DNM3: variants seen among roughly 807,000 people sequenced by gnomAD.
DNM3 encodes the protein dynamin-3.
Under a neutral mutation model 101.6 loss-of-function variants are expected in DNM3, and 47 were observed. The ratio of observed to expected loss-of-function variants is 0.46; its 90% CI spans 0.37 to 0.59. The LOEUF (loss-of-function observed/expected upper bound fraction) is 0.59. DNM3 is among the 20% of genes least tolerant of loss of function. The pLI is 0.00. For missense variants in DNM3, 849 were observed against 1,085.7 expected, an observed-to-expected ratio of 0.78 and a Z score of 3.06; for synonymous variants, 385 against 387.9, an observed-to-expected ratio of 0.99 and a Z score of 0.09.
At chr1:172,247,593 AT>A (rs2062001798) in intron 14 of DNM3, among the ~76,000 whole-genome samples, 1 of 151,916 alleles carries the variant, frequency 6.6e-6, no homozygotes, top group African/African-American at 2.4e-5. Flanking sequence ...TAAAAAACAT[AT>A]TTGGTGCCAT....
rs35033942 is a variant in DNM3 at position 171,980,767 on chromosome 1, A to ATTTT, written c.236-6871_236-6868dup. Among the ~76,000 whole-genome samples, 11 of 110,244 alleles carry ATTTT rather than the reference A, an allele frequency of 1.0e-4. 1 individual carries two copies. The highest frequency in any genetic ancestry group is 3.6e-4 in the African/African-American group (11 of 30,208). 72.3% of individuals were successfully genotyped at this position (110,244 alleles called of 152,430 possible). On this transcript the variant is annotated intron_variant, in intron 2 of 20. Transcript: ENST00000627582. ...CTTTAAAGAAGAAAGAAATCTACAGATTTTTTTTTTTTTTTTTTTTTGAGA... is the reference window on the plus strand; with the variant it reads ...CTTTAAAGAAGAAAGAAATCTACAGATTTTTTTTTTTTTTTTTTTTTTTTTGAGA...
intron 14 of DNM3, among the ~76,000 whole-genome samples, chr1:172,243,483 G>C (rs1466617765): frequency 6.6e-6 from 1 of 152,162 alleles, no homozygotes; most frequent in East Asian, 1.9e-4. Context: ...GAGGAGGTAG[G>C]AACCAGGAAG....
intron 14 of DNM3, among the ~76,000 whole-genome samples, chr1:172,181,375 TACACACACACACACAC>T (rs55756017): frequency 0.24 from 35,522 of 147,706 alleles, 7,012 homozygotes; most frequent in African/African-American, 0.55. Flanking sequence ...CACTTGAGTT[TACACACACACACACAC>T]ACACACACAC....
chr1:172,406,316 T>C (rs533268048), intron 20 of DNM3, among the ~76,000 whole-genome samples: 2 of 152,146 alleles, frequency 1.3e-5, no homozygotes, highest in Admixed American at 1.3e-4. Flanking sequence ...AAACACTGTA[T>C]GAAACAAGTT....
rs1459972279 is a variant in DNM3, at chr1:172,081,812, T to A, written c.1423-20T>A. 6.3e-7 allele frequency: 1 copy of A among 1,599,824 alleles called. No homozygotes were observed. The highest frequency in any genetic ancestry group is 8.5e-7 in the Non-Finnish European group (1 of 1,170,780). On this transcript the variant is annotated intron_variant, in intron 11 of 20. Coordinates refer to ENST00000627582, the MANE Select transcript of DNM3 (RefSeq NM_015569.5). ...ATTTTTAGATGGGTTTTCACTGAAG[T>A]GTTTCTCTTTGACTTATAGGTATTG...
intron 15 of DNM3, among the ~76,000 whole-genome samples, chr1:172,258,896 C>T (rs2062529482): frequency 6.6e-6 from 1 of 150,880 alleles, no homozygotes; most frequent in African/African-American, 2.4e-5. Context: ...TGCTATAAAC[C>T]TTTATCAGCA....
At chr1:171,912,970 A>G (rs762165610) in intron 1 of DNM3, among the ~76,000 whole-genome samples, 1 of 152,242 alleles carries the variant, frequency 6.6e-6, no homozygotes, top group African/African-American at 2.4e-5. Flanking sequence ...GCCAGGACTC[A>G]TTCATCTGGT....
chr1:171,865,716 T>A (rs932341731), intron 1 of DNM3, among the ~76,000 whole-genome samples: 4 of 152,138 alleles, frequency 2.6e-5, no homozygotes, highest in African/African-American at 9.7e-5. Context: ...CTTCGAGGAT[T>A]AAGAAACATT....
At chr1:172,176,141 T>A (rs1396586076) in intron 14 of DNM3, among the ~76,000 whole-genome samples, 2 of 151,800 alleles carry the variant, frequency 1.3e-5, no homozygotes, top group Admixed American at 1.3e-4. Context: ...ATTATCTAGG[T>A]AAACCCAGTG....
intron 2 of DNM3, among the ~76,000 whole-genome samples, chr1:171,965,666 C>T (rs1218186942): frequency 6.6e-6 from 1 of 152,112 alleles, no homozygotes; most frequent in Non-Finnish European, 1.5e-5. Flanking sequence ...GCGCTTCTGT[C>T]CCCATGTAGT....
chr1:172,198,911 G>A (rs2060052574), intron 14 of DNM3, among the ~76,000 whole-genome samples: 1 of 151,880 alleles, frequency 6.6e-6, no homozygotes, highest in African/African-American at 2.4e-5. Flanking sequence ...ATTTCCTTCA[G>A]TTAAGCTTTA....
intron 1 of DNM3, among the ~76,000 whole-genome samples, chr1:171,863,423 A>G (rs2034389390): frequency 6.6e-6 from 1 of 152,154 alleles, no homozygotes; most frequent in Non-Finnish European, 1.5e-5. Context: ...GGGCAGAAAG[A>G]CAGGAAAAAA....
intron 4 of DNM3, among the ~76,000 whole-genome samples, chr1:171,992,801 GCTA>G (rs2045725751): frequency 1.3e-5 from 2 of 151,450 alleles, no homozygotes; most frequent in African/African-American, 4.8e-5. Context: ...CTATTTCTCT[GCTA>G]CTATCTCCTT....
intron 15 of DNM3, among the ~76,000 whole-genome samples, chr1:172,274,587 G>C (rs149788578): frequency 2.6e-5 from 4 of 152,018 alleles, no homozygotes; most frequent in African/African-American, 7.2e-5. Flanking sequence ...ATATTGAGCT[G>C]TTGGATTTTT....
At chr1:172,129,344 A>G (rs2056810945) in intron 13 of DNM3, among the ~76,000 whole-genome samples, 2 of 152,226 alleles carry the variant, frequency 1.3e-5, no homozygotes, top group African/African-American at 4.8e-5. Context: ...TTTGGGTTTC[A>G]TATATATACA....
intron 4 of DNM3, among the ~76,000 whole-genome samples, chr1:172,011,324 C>T (rs1370011254): frequency 1.3e-5 from 2 of 151,844 alleles, no homozygotes; most frequent in African/African-American, 4.8e-5. Context: ...CCTTTTGTAA[C>T]CTGTATACCA....
At chr1:171,945,192 A>G (rs933539592) in intron 2 of DNM3, among the ~76,000 whole-genome samples, 2 of 151,986 alleles carry the variant, frequency 1.3e-5, no homozygotes, top group Non-Finnish European at 2.9e-5. Flanking sequence ...TTAATCCTCT[A>G]TGAGAGTATC....
chr1:172,047,999 A>G (rs1351051015), intron 9 of DNM3, among the ~76,000 whole-genome samples: 1 of 152,204 alleles, frequency 6.6e-6, no homozygotes. Context: ...ATGCACATGT[A>G]TATATCTGCT....
At chr1:171,990,028 C>G (rs2045532296) in intron 4 of DNM3, among the ~76,000 whole-genome samples, 2 of 152,132 alleles carry the variant, frequency 1.3e-5, no homozygotes, top group East Asian at 3.9e-4. Flanking sequence ...ATCTTCTGCT[C>G]TTCTGATTCA....
Sources: allele counts gnomAD v4.1 joint callset (sites outside exome capture counted in the v4.1 genomes callset), GRCh38; gene constraint gnomAD v4.1.1; transcripts MANE v1.5; gene names NCBI Gene and HGNC (gene_info 2026-07-23, HGNC 2026-07-21).